Variants in MKS1 observed in about 807,000 individuals in gnomAD.
The protein encoded by MKS1 is MKS transition zone complex subunit 1, also known as tectonic-like complex member MKS1.
Under a neutral mutation model 83.7 loss-of-function variants are expected in MKS1, and 70 were observed. The ratio of observed to expected loss-of-function variants is 0.84; its 90% CI spans 0.69 to 1.02. The LOEUF is 1.02. Among genes scored for constraint, MKS1 ranks in the 50% least tolerant of loss-of-function variants. The pLI is 0.00. For missense variants in MKS1, 681 were observed against 726.9 expected (o/e 0.94, Z 0.73); for synonymous variants, 251 against 273.4 (o/e 0.92, Z 0.81).
chr17:58,206,649 C>A, intron 15 of MKS1, 102 bp from the exon 16 acceptor site: 2 of 1,192,206 alleles, frequency 1.7e-6, no homozygotes, highest in Non-Finnish European at 2.4e-6. Context: ...TTGGGAAGCG[C>A]AGTTCTGTTG....
At chr17:58,214,484 A>C in intron 5 of MKS1, 97 bp from the exon 6 acceptor site, 1 of 1,577,142 alleles carries the variant, frequency 6.3e-7, no homozygotes, top group Non-Finnish European at 8.6e-7. Context: ...GCTAGTGGAC[A>C]TACTGTTTTG....
rs373269341 is a variant in MKS1 at position 58,211,020 on chromosome 17, A to G, written c.918T>C (p.Thr306=). The G allele has an allele frequency of 1.9e-6, 3 of 1,613,936 alleles. No individual in the cohort carries two copies. The African/African-American group carries it at 4.0e-5, about 22-fold the overall frequency. Residue 306 remains threonine (T), a splice_region_variant and synonymous_variant, in exon 10 of 18, where the codon ACT becomes ACC. Transcript: ENST00000393119. The stretch of plus-strand genomic sequence containing the variant: ...CAAAGAGCCGGAGGGCACCTGGGAC[A>G]GTCTAAGGTGAAGAGAAGTGGGAAA... ...SSLVGTDFEM[T]VPGALRLFVN...
intron 14 of MKS1, 59 bp downstream of exon 14, chr17:58,207,835 A>G (rs755974896): frequency 1.4e-6 from 2 of 1,427,834 alleles, no homozygotes; most frequent in Non-Finnish European, 2.0e-6. Flanking sequence ...TTCGAGTGTT[A>G]GTCTTGTTCT....
At position 58,205,586 on chromosome 17, in the gene MKS1, G is replaced by T. The variant is rs1347819440; in HGVS notation, c.*493C>A. On this transcript the variant is annotated 3_prime_UTR_variant, in exon 18 of 18. Coordinates refer to ENST00000393119, the MANE Select transcript of MKS1 (RefSeq NM_017777.4). Reference sequence around the variant, plus strand: ...AGAAATAACTCATATCTCAACCTCAGCAAGCCCCAAGCAGTAGAATGAGGC... The same window carrying T: ...AGAAATAACTCATATCTCAACCTCATCAAGCCCCAAGCAGTAGAATGAGGC... 2 of 1,305,546 alleles carry T rather than the reference G, an allele frequency of 1.5e-6. No individual in the cohort carries two copies. Among genetic ancestry groups the T allele is most frequent in the Non-Finnish European group, 2.0e-6 (2 of 989,926 alleles). 80.9% of individuals were successfully genotyped at this position (1,305,546 alleles called of 1,614,324 possible).
At position 58,208,165 on chromosome 17, in the gene MKS1, C is replaced by A; in HGVS notation, c.1105G>T (p.Ala369Ser). The change falls in exon 13 of 18, where the codon GCT (alanine) becomes TCT (serine). Residue 369 changes from alanine to serine, a missense_variant. Ala to Ser is a moderately conservative substitution (Grantham distance 99). Around this residue, in one of 3 missense-constraint regions of MKS1, gnomAD observed 310 missense variants for 321.7 expected, o/e 0.96. Transcript: ENST00000393119. Reference protein sequence around the residue: ...TTKSLAMDKVAHFSYPFTFEA... With the variant: ...TTKSLAMDKVSHFSYPFTFEA... ...AACGTGAATGGGTAGGAGAAGTGAG[C>A]CACCTTGTCCTATAAAAAGGAGTGT... 1 of 1,612,558 alleles carries A rather than the reference C, an allele frequency of 6.2e-7. No homozygotes were observed. Among genetic ancestry groups the A allele is most frequent in the Non-Finnish European group, 8.5e-7 (1 of 1,178,542 alleles).
rs1442682157 is a variant in MKS1, at chr17:58,214,413, T to A, written c.516-26A>T. On this transcript the variant is annotated intron_variant, in intron 5 of 17. Coordinates refer to ENST00000393119, the MANE Select transcript of MKS1 (RefSeq NM_017777.4). ...CTGGGAGACACCACAGAAAGGTCAC[T>A]TCCCTGGCACACCCCAATGGAGCAC... 4 of 1,612,236 alleles carry A rather than the reference T, an allele frequency of 2.5e-6. No individual in the cohort carries two copies. The highest frequency in any genetic ancestry group is 3.3e-5 in the Admixed American group (2 of 59,996).
At chr17:58,206,981 C>T (rs1567794979) in intron 15 of MKS1, 104 bp downstream of exon 15, 1 of 1,518,216 alleles carries the variant, frequency 6.6e-7, no homozygotes, top group East Asian at 2.3e-5. Flanking sequence ...GGGGTTAATA[C>T]TGAAGCAATG....
At chr17:58,211,311 A>G (rs1046142439) in intron 9 of MKS1, among the ~76,000 whole-genome samples, 11 of 152,216 alleles carry the variant, frequency 7.2e-5, no homozygotes, top group South Asian at 2.1e-4. Context: ...GGGAAGCCAG[A>G]ACGCCCTCTT....
At chr17:58,207,411 G>T in intron 14 of MKS1, 193 bp from the exon 15 acceptor site, 2 of 698,744 alleles carry the variant, frequency 2.9e-6, no homozygotes, top group Non-Finnish European at 4.7e-6. Flanking sequence ...TCAAATTTCC[G>T]CTCTGCCAGT....
rs776834161 is a variant in MKS1, at chr17:58,214,701, A to C, written c.515+40T>G. Reference sequence around the variant, plus strand: ...CAAAACTACCCAACTTTAGGAAATAAAAAGTAAAAGCTTGTCCCCCATCCC... The same window carrying C: ...CAAAACTACCCAACTTTAGGAAATACAAAGTAAAAGCTTGTCCCCCATCCC... On this transcript the variant is annotated intron_variant, in intron 5 of 17. Transcript: ENST00000393119. 1.9e-5 allele frequency: 30 copies of C among 1,574,786 alleles called. No homozygotes were observed. In the Middle Eastern group the frequency reaches 5.0e-4, roughly 26 times the overall value.
intron 2 of MKS1, among the ~76,000 whole-genome samples, chr17:58,217,371 C>T (rs1036104039): frequency 1.3e-5 from 2 of 152,220 alleles, no homozygotes; most frequent in Non-Finnish European, 2.9e-5. Context: ...TCCTCAGTCC[C>T]AACTGTCTGC....
intron 9 of MKS1, among the ~76,000 whole-genome samples, chr17:58,211,729 AT>A (rs35375018): frequency 1.7e-4 from 23 of 137,190 alleles, no homozygotes; most frequent in Admixed American, 2.2e-4. Context: ...TGCCTTGCTA[AT>A]TTTTTTTTTT....
intron 12 of MKS1, 58 bp from the exon 13 acceptor site, chr17:58,208,232 T>C (rs1382015006): frequency 1.4e-6 from 2 of 1,452,352 alleles, no homozygotes; most frequent in Non-Finnish European, 1.9e-6. Context: ...GTTCTCCTTG[T>C]GGCCAATGAC....
chr17:58,213,837 C>T lies in MKS1; in HGVS notation c.677G>A (p.Cys226Tyr). Reference sequence around the variant, plus strand: ...ACCATTGCTATCCACCTTCAGAGTACACAGGACATGTTCATACTTCTTATA... The same window carrying T: ...ACCATTGCTATCCACCTTCAGAGTATACAGGACATGTTCATACTTCTTATA... ...LGYKKYEHVLCTLKVDSNGVI... is the reference protein window; with the variant it reads ...LGYKKYEHVLYTLKVDSNGVI... Residue 226 changes from cysteine (C) to tyrosine (Y), a missense_variant, in exon 7 of 18, where the codon TGT becomes TAT. By Grantham distance (194) the Cys-to-Tyr change is radical. Around this residue, in one of 3 missense-constraint regions of MKS1, gnomAD observed 365 missense variants for 383.8 expected, o/e 0.95. Transcript: ENST00000393119. The T allele has an allele frequency of 1.2e-6, 2 of 1,614,054 alleles. No individual in the cohort carries two copies. Among genetic ancestry groups the T allele is most frequent in the Non-Finnish European group, 1.7e-6 (2 of 1,179,968 alleles).
At chr17:58,214,508 G>A (rs1392955836) in intron 5 of MKS1, 121 bp from the exon 6 acceptor site, 97 of 1,484,060 alleles carry the variant, frequency 6.5e-5, no homozygotes, top group Non-Finnish European at 8.5e-5. Context: ...TGTTTTTTAA[G>A]AGCCAAAATA....
intron 1 of MKS1, 78 bp from the exon 2 acceptor site, chr17:58,218,807 A>T: frequency 7.6e-7 from 1 of 1,320,188 alleles, no homozygotes; most frequent in South Asian, 1.2e-5. Context: ...GGGGGAAACA[A>T]AACAGAGGAG....
chr17:58,208,379 G>T, intron 12 of MKS1, 134 bp downstream of exon 12: 1 of 1,121,674 alleles, frequency 8.9e-7, no homozygotes, highest in Non-Finnish European at 1.3e-6. Flanking sequence ...AGGTGGCCCT[G>T]TAGAACCCAC....
At chr17:58,211,743 T>TG in intron 9 of MKS1, among the ~76,000 whole-genome samples, 1 of 151,312 alleles carries the variant, frequency 6.6e-6, no homozygotes, top group East Asian at 1.9e-4. Context: ...TTTTTTTTTT[T>TG]TTTGTAGGGA....
intron 3 of MKS1, 136 bp from the exon 4 acceptor site, chr17:58,216,379 A>G: frequency 9.7e-7 from 1 of 1,026,468 alleles, no homozygotes; most frequent in South Asian, 1.4e-5. Context: ...CACTAAACTA[A>G]TGAATGGCAG....
Sources: gnomAD v4.1 joint callset for allele counts (sites outside exome capture counted in the v4.1 genomes callset) on GRCh38, gnomAD v4.1.1 for gene constraint, gnomAD v4.1.1 regional missense constraint, MANE v1.5 for transcripts, NCBI Gene and HGNC (gene_info 2026-07-23, HGNC 2026-07-21) for gene names.